The following MRPS9 variants were observed in gnomAD, a reference collection of about 807,000 sequenced individuals.
MRPS9 encodes mitochondrial ribosomal protein S9, also known as small ribosomal subunit protein uS9m.
In MRPS9, 45 loss-of-function variants were observed where a neutral mutation model predicts 59.9. That is an observed-to-expected ratio of 0.75 (90% CI 0.59 to 0.96). The LOEUF (loss-of-function observed/expected upper bound fraction) is 0.96, where lower values mean the gene tolerates loss of function less well. Ranked by LOEUF, MRPS9 falls within the 40% of genes least tolerant of loss-of-function variation. The probability of loss-of-function intolerance (pLI) is 0.00; values close to 1 mark genes in which losing one functional copy is unlikely to be tolerated. For synonymous variants in MRPS9, 171 were observed against 166.8 expected (o/e 1.03, Z -0.19); for missense variants, 473 against 481.1 (o/e 0.98, Z 0.16).
intron 5 of MRPS9, among the ~76,000 whole-genome samples, chr2:105,085,147 T>C (rs899038977): frequency 6.6e-6 from 1 of 152,162 alleles, no homozygotes; most frequent in African/African-American, 2.4e-5. Flanking sequence ...ATCTATATAG[T>C]ATATTGTATT....
intron 4 of MRPS9, among the ~76,000 whole-genome samples, chr2:105,077,943 A>C (rs186699900): frequency 6.6e-6 from 1 of 152,260 alleles, no homozygotes; most frequent in Non-Finnish European, 1.5e-5. Context: ...TTTTGGGAGA[A>C]ACTTGTCAAG....
intron 4 of MRPS9, 106 bp downstream of exon 4, chr2:105,071,595 C>A: frequency 9.1e-7 from 1 of 1,096,862 alleles, no homozygotes; most frequent in Non-Finnish European, 1.3e-6. Context: ...CTTCCTGTGT[C>A]ACAGTAGTTG....
chr2:105,062,147 C>T (rs1289385468), intron 2 of MRPS9, among the ~76,000 whole-genome samples: 1 of 152,156 alleles, frequency 6.6e-6, no homozygotes, highest in African/African-American at 2.4e-5. Context: ...CACACACACA[C>T]ACACTCTCTC....
At chr2:105,065,102 A>C (rs1210757667) in intron 2 of MRPS9, among the ~76,000 whole-genome samples, 2 of 152,224 alleles carry the variant, frequency 1.3e-5, no homozygotes, top group Non-Finnish European at 2.9e-5. Flanking sequence ...TTTCTAAACT[A>C]GCAGAGTGCC....
intron 2 of MRPS9, among the ~76,000 whole-genome samples, chr2:105,062,928 C>T (rs17635199): frequency 0.22 from 33,602 of 152,052 alleles, 3,784 homozygotes; most frequent in Middle Eastern, 0.35. Context: ...TTTTGCTTTG[C>T]GTTACTTACA....
chr2:105,052,243 T>C (rs1209388906), intron 2 of MRPS9, among the ~76,000 whole-genome samples: 1 of 152,222 alleles, frequency 6.6e-6, no homozygotes. Flanking sequence ...AAATATGATG[T>C]TAGCTGTGCG....
chr2:105,097,402 A>C, intron 10 of MRPS9, 78 bp downstream of exon 10: 1 of 1,305,386 alleles, frequency 7.7e-7, no homozygotes, highest in Non-Finnish European at 1.0e-6. Context: ...CTAGTGCCTG[A>C]AGTTCGTAAG....
intron 2 of MRPS9, among the ~76,000 whole-genome samples, chr2:105,059,259 A>C (rs987558842): frequency 3.3e-5 from 5 of 152,286 alleles, no homozygotes; most frequent in African/African-American, 1.2e-4. Context: ...TTTGTTTTCT[A>C]TTCCTGTGGC....
chr2:105,097,891 C>T (rs1680700190), intron 10 of MRPS9, among the ~76,000 whole-genome samples: 1 of 152,070 alleles, frequency 6.6e-6, no homozygotes, highest in Non-Finnish European at 1.5e-5. Context: ...GTAGAGACTG[C>T]ATTTTGCTAT....
chr2:105,069,845 C>G (rs1680079475), intron 2 of MRPS9, among the ~76,000 whole-genome samples: 1 of 138,766 alleles, frequency 7.2e-6, no homozygotes, highest in African/African-American at 2.7e-5. Context: ...ACCCTCATCT[C>G]TACAAAAAAA....
At chr2:105,064,503 T>C (rs1343250114) in intron 2 of MRPS9, among the ~76,000 whole-genome samples, 1 of 152,154 alleles carries the variant, frequency 6.6e-6, no homozygotes, top group African/African-American at 2.4e-5. Flanking sequence ...CTTCACATGA[T>C]CCTTGAGGTT....
intron 2 of MRPS9, among the ~76,000 whole-genome samples, chr2:105,064,716 T>A (rs190642569): frequency 3.3e-4 from 50 of 152,272 alleles, no homozygotes; most frequent in Non-Finnish European, 5.1e-4. Context: ...CCCAGTGGAA[T>A]AGGGAGGACT....
chr2:105,050,508 CTT>C (rs1250883854), intron 2 of MRPS9, among the ~76,000 whole-genome samples: 2 of 152,084 alleles, frequency 1.3e-5, no homozygotes, highest in African/African-American at 4.8e-5. Context: ...CTGCTGTCCT[CTT>C]TTTGAGTTTT....
intron 2 of MRPS9, among the ~76,000 whole-genome samples, chr2:105,058,692 T>C (rs1302793980): frequency 1.3e-5 from 2 of 149,950 alleles, no homozygotes; most frequent in South Asian, 2.1e-4. Context: ...TTTTTTTTTT[T>C]CGAGACAGAG....
intron 9 of MRPS9, among the ~76,000 whole-genome samples, chr2:105,093,842 C>T (rs937815882): frequency 8.5e-5 from 13 of 152,194 alleles, no homozygotes; most frequent in African/African-American, 3.1e-4. Context: ...TAGAATTCCT[C>T]ATTAATTGAC....
intron 5 of MRPS9, among the ~76,000 whole-genome samples, chr2:105,088,579 TA>T (rs1680495152): frequency 6.6e-6 from 1 of 152,152 alleles, no homozygotes; most frequent in Non-Finnish European, 1.5e-5. Flanking sequence ...AAATACCATA[TA>T]TTTTACTGGA....
intron 6 of MRPS9, 72 bp from the exon 7 acceptor site, chr2:105,089,848 T>C: frequency 4.0e-6 from 4 of 999,764 alleles, no homozygotes; most frequent in Non-Finnish European, 6.1e-6. Flanking sequence ...TGCTACTATA[T>C]GTGGGATCTT....
chr2:105,069,359 C>T (rs865927586), intron 2 of MRPS9, among the ~76,000 whole-genome samples: 1 of 151,920 alleles, frequency 6.6e-6, no homozygotes, highest in African/African-American at 2.4e-5. Context: ...GGATTACAGG[C>T]GCCCGCCACC....
chr2:105,078,619 A>G (rs994683806), intron 4 of MRPS9, among the ~76,000 whole-genome samples: 2 of 152,228 alleles, frequency 1.3e-5, no homozygotes, highest in Non-Finnish European at 2.9e-5. Flanking sequence ...TTTTCAAGCT[A>G]AATACCCAAG....
Sources: allele counts gnomAD v4.1 joint callset (sites outside exome capture counted in the v4.1 genomes callset), GRCh38; gene constraint gnomAD v4.1.1; transcripts MANE v1.5; gene names NCBI Gene and HGNC (gene_info 2026-07-23, HGNC 2026-07-21).